NCOA1: variants seen among roughly 807,000 people sequenced by gnomAD.
The protein encoded by NCOA1 is nuclear receptor coactivator 1, also known as Hin-2 protein.
Under a neutral mutation model 150.9 loss-of-function variants are expected in NCOA1, and 35 were observed. The ratio of observed to expected loss-of-function variants is 0.23; its 90% CI spans 0.18 to 0.31. The LOEUF (loss-of-function observed/expected upper bound fraction) is 0.31. NCOA1 is among the 10% of genes least tolerant of loss of function. The probability of loss-of-function intolerance (pLI) is 1.00; values close to 1 mark genes in which losing one functional copy is unlikely to be tolerated. For synonymous variants in NCOA1, 590 were observed against 630.0 expected (o/e 0.94, Z 0.95); for missense variants, 1,491 against 1,749.3 (o/e 0.85, Z 2.63).
chr2:24,517,002 G>GCACACACACA lies in NCOA1; in HGVS notation c.-396+25401_-396+25402insACACACACAC, dbSNP rs796783517. 1.9e-4 allele frequency among the ~76,000 whole-genome samples: 5 copies of GCACACACACA among 25,730 alleles called. No homozygotes were observed. In the Admixed American group the frequency reaches 2.3e-3, roughly 12 times the overall value. The allele number at this position is 25,730 out of a possible 152,430, so 16.9% of individuals were successfully genotyped here. A position where few individuals can be genotyped will look rare whatever the true frequency, so the allele number is the denominator to read the frequency against. On this transcript the variant is annotated intron_variant, in intron 1 of 22. Coordinates refer to ENST00000348332, the MANE Select transcript of NCOA1 (RefSeq NM_003743.5). Reference sequence around the variant, plus strand: ...CATATACGTATATATATACACACGCGCGCACACACACACACACACACACAC... The same window carrying GCACACACACA: ...CATATACGTATATATATACACACGCGCACACACACACGCACACACACACACACACACACAC...
chr2:24,553,392 T>C (rs1306735002), intron 1 of NCOA1, among the ~76,000 whole-genome samples: 3 of 152,106 alleles, frequency 2.0e-5, no homozygotes, highest in Non-Finnish European at 4.4e-5. Context: ...CTAATTTTTG[T>C]ATTTTTAGTA....
chr2:24,581,210 G>T (rs1667180318), intron 2 of NCOA1, among the ~76,000 whole-genome samples: 1 of 152,232 alleles, frequency 6.6e-6, no homozygotes, highest in South Asian at 2.1e-4. Flanking sequence ...TCCAAAAACA[G>T]CCTGTGGCAG....
At chr2:24,541,533 C>G (rs1382849073) in intron 1 of NCOA1, among the ~76,000 whole-genome samples, 1 of 152,192 alleles carries the variant, frequency 6.6e-6, no homozygotes, top group Non-Finnish European at 1.5e-5. Flanking sequence ...TCCTAACTGA[C>G]ACACAGAGCC....
chr2:24,514,343 A>T (rs4665266), intron 1 of NCOA1, among the ~76,000 whole-genome samples: 124,701 of 148,600 alleles, frequency 0.84, 53,178 homozygotes, highest in East Asian at 0.99. Context: ...AAATAGCAAA[A>T]TTTTTTTATC....
chr2:24,594,574 A>G (rs1667811860), intron 3 of NCOA1, among the ~76,000 whole-genome samples: 1 of 152,106 alleles, frequency 6.6e-6, no homozygotes, highest in Non-Finnish European at 1.5e-5. Flanking sequence ...ACAAGAGCAG[A>G]TATTAGCATG....
At chr2:24,763,142 T>C (rs1664869793) in intron 22 of NCOA1, among the ~76,000 whole-genome samples, 1 of 152,174 alleles carries the variant, frequency 6.6e-6, no homozygotes, top group Admixed American at 6.5e-5. Context: ...AAGATCTCAG[T>C]AATTCAGACA....
At chr2:24,625,416 C>T (rs1259651373) in intron 3 of NCOA1, among the ~76,000 whole-genome samples, 2 of 150,778 alleles carry the variant, frequency 1.3e-5, no homozygotes, top group African/African-American at 4.9e-5. Flanking sequence ...GTGTTCATGG[C>T]CACATGAACT....
chr2:24,583,760 A>T (rs55853287), intron 2 of NCOA1, among the ~76,000 whole-genome samples: 4,398 of 152,254 alleles, frequency 0.029, 74 homozygotes, highest in African/African-American at 0.046. Context: ...ATGAACCTGG[A>T]GGACTGTATA....
At chr2:24,648,896 G>A (rs1432120533) in intron 4 of NCOA1, among the ~76,000 whole-genome samples, 1 of 151,804 alleles carries the variant, frequency 6.6e-6, no homozygotes, top group Non-Finnish European at 1.5e-5. Flanking sequence ...CTTTATTTTA[G>A]ATATTGAAGT....
At chr2:24,572,696 A>C (rs2148284638) in intron 2 of NCOA1, among the ~76,000 whole-genome samples, 1 of 152,260 alleles carries the variant, frequency 6.6e-6, no homozygotes, top group South Asian at 2.1e-4. Context: ...TTTACATAGG[A>C]GTGTACTGAA....
chr2:24,539,799 T>G (rs1472966155), intron 1 of NCOA1, among the ~76,000 whole-genome samples: 1 of 152,234 alleles, frequency 6.6e-6, no homozygotes, highest in East Asian at 1.9e-4. Context: ...ACTCATACCA[T>G]AGGTAAGAGG....
At chr2:24,559,837 A>G (rs1367822288) in intron 1 of NCOA1, among the ~76,000 whole-genome samples, 1 of 152,146 alleles carries the variant, frequency 6.6e-6, no homozygotes, top group Non-Finnish European at 1.5e-5. Flanking sequence ...TCCCTGTAAC[A>G]TAACTGAGAG....
intron 1 of NCOA1, among the ~76,000 whole-genome samples, chr2:24,552,730 G>A (rs1481710563): frequency 6.6e-6 from 1 of 151,880 alleles, no homozygotes; most frequent in Non-Finnish European, 1.5e-5. Flanking sequence ...TCTTTTTAAT[G>A]TTTATACAAT....
chr2:24,572,506 C>A (rs1436442057), intron 2 of NCOA1, among the ~76,000 whole-genome samples: 1 of 152,134 alleles, frequency 6.6e-6, no homozygotes, highest in Non-Finnish European at 1.5e-5. Context: ...AGGCACATAG[C>A]CTCTAGTAAG....
At chr2:24,705,551 GTTATTT>G (rs141604310) in intron 12 of NCOA1, among the ~76,000 whole-genome samples, 4 of 152,120 alleles carry the variant, frequency 2.6e-5, no homozygotes, top group Non-Finnish European at 4.4e-5. Context: ...TGTTAACATT[GTTATTT>G]TTATTTTTAT....
At chr2:24,622,080 A>G (rs1669193358) in intron 3 of NCOA1, among the ~76,000 whole-genome samples, 1 of 152,344 alleles carries the variant, frequency 6.6e-6, no homozygotes, top group South Asian at 2.1e-4. Context: ...TAGATGATGA[A>G]CATAGGAGAA....
At chr2:24,538,780 C>G (rs1232668598) in intron 1 of NCOA1, among the ~76,000 whole-genome samples, 1 of 152,076 alleles carries the variant, frequency 6.6e-6, no homozygotes, top group African/African-American at 2.4e-5. Context: ...ACTTCAGATT[C>G]TTTTAGGTTC....
chr2:24,607,620 G>A (rs1572483016), intron 3 of NCOA1, among the ~76,000 whole-genome samples: 1 of 152,202 alleles, frequency 6.6e-6, no homozygotes, highest in Admixed American at 6.5e-5. Context: ...AACCCAGGGG[G>A]TGGAGATTGC....
chr2:24,587,602 T>C (rs551054719), intron 3 of NCOA1, among the ~76,000 whole-genome samples: 1 of 152,356 alleles, frequency 6.6e-6, no homozygotes, highest in South Asian at 2.1e-4. Flanking sequence ...GCCTCTTGTA[T>C]CTCTCTCAAG....
Sources: gnomAD v4.1 joint callset for allele counts (sites outside exome capture counted in the v4.1 genomes callset) on GRCh38, gnomAD v4.1.1 for gene constraint, MANE v1.5 for transcripts, NCBI Gene and HGNC (gene_info 2026-07-23, HGNC 2026-07-21) for gene names.